SNAP29: variants seen among roughly 807,000 people sequenced by gnomAD.
SNAP29 encodes synaptosomal-associated protein 29.
SNAP29 carries 13 observed loss-of-function variants against 27.9 expected under a neutral mutation model. That is an observed-to-expected ratio of 0.47 (90% CI 0.30 to 0.74). SNAP29 has a LOEUF of 0.74. Among genes scored for constraint, SNAP29 ranks in the 30% least tolerant of loss-of-function variants. The probability of loss-of-function intolerance (pLI) is 0.06; values close to 1 mark genes in which losing one functional copy is unlikely to be tolerated. For missense variants in SNAP29, 368 were observed against 336.5 expected, an observed-to-expected ratio of 1.09 and a Z score of -0.73; for synonymous variants, 119 against 127.1, an observed-to-expected ratio of 0.94 and a Z score of 0.43.
At chr22:20,883,768 C>T (rs573185625) in intron 4 of SNAP29, among the ~76,000 whole-genome samples, 199 bp downstream of exon 4, 4 of 152,266 alleles carry the variant, frequency 2.6e-5, no homozygotes, top group African/African-American at 7.2e-5. Context: ...CTAGCCCAGC[C>T]GAGCCCTCCC....
intron 1 of SNAP29, among the ~76,000 whole-genome samples, chr22:20,861,932 C>T (rs1215978038): frequency 2.0e-5 from 3 of 152,166 alleles, no homozygotes; most frequent in Admixed American, 1.3e-4. Flanking sequence ...CACACCTGGC[C>T]TCTGATTTTT....
chr22:20,859,459 T>A, intron 1 of SNAP29, 112 bp downstream of exon 1: 1 of 822,320 alleles, frequency 1.2e-6, no homozygotes, highest in East Asian at 2.4e-5. Flanking sequence ...CTAGCATAGA[T>A]TCTTGCACCT....
chr22:20,874,323 C>CACAGACACACACAG (rs562968318), intron 2 of SNAP29, among the ~76,000 whole-genome samples: 2 of 146,454 alleles, frequency 1.4e-5, no homozygotes, highest in African/African-American at 5.0e-5. Context: ...CACAGACACA[C>CACAGACACACACAG]ACACACACAC....
At chr22:20,874,076 C>T (rs1283929818) in intron 2 of SNAP29, among the ~76,000 whole-genome samples, 2 of 150,042 alleles carry the variant, frequency 1.3e-5, no homozygotes, top group African/African-American at 4.9e-5. Context: ...GAGATTGAGA[C>T]CATCCTGGCT....
intron 1 of SNAP29, among the ~76,000 whole-genome samples, chr22:20,863,856 T>G (rs1376326602): frequency 6.6e-6 from 1 of 152,140 alleles, no homozygotes; most frequent in Non-Finnish European, 1.5e-5. Flanking sequence ...AAAATGGGTT[T>G]TTTTTTTTAA....
Position 20,888,047 on chromosome 22 carries a change from A to G in SNAP29, c.*211A>G. ...AACACCTCACCAAGTTCTTCCAGCA[A>G]AATGCTTATTAGAGTTTTTGTCTGA... On this transcript the variant is annotated 3_prime_UTR_variant, in exon 5 of 5. Coordinates refer to ENST00000215730, the MANE Select transcript of SNAP29 (RefSeq NM_004782.4). 1.8e-6 allele frequency: 1 copy of G among 569,994 alleles called. No homozygotes were observed. The highest frequency in any genetic ancestry group is 3.1e-6 in the Non-Finnish European group (1 of 320,662). The allele number at this position is 569,994 out of a possible 1,614,324, so 35.3% of individuals were successfully genotyped here.
At chr22:20,868,347 T>G (rs1254848762) in intron 1 of SNAP29, among the ~76,000 whole-genome samples, 4 of 152,226 alleles carry the variant, frequency 2.6e-5, no homozygotes, top group Non-Finnish European at 4.4e-5. Context: ...CGTTGAAAGC[T>G]GTAAAATTCA....
chr22:20,886,112 CT>C (rs362122), intron 4 of SNAP29, among the ~76,000 whole-genome samples: 7,023 of 145,682 alleles, frequency 0.048, 530 homozygotes, highest in African/African-American at 0.16. Context: ...GAAGACTTAT[CT>C]TTTTTTTTTT....
In SNAP29 at chr22:20,870,611, C is replaced by T. The variant is rs974147367; in HGVS notation, c.434+78C>T. 5 of 1,339,076 alleles carry T rather than the reference C, an allele frequency of 3.7e-6. No homozygotes were observed. The African/African-American group carries it at 5.8e-5, about 16-fold the overall frequency. The allele number at this position is 1,339,076 out of a possible 1,614,324, so 82.9% of individuals were successfully genotyped here. ...GCAAATGACCAAGACTTTCAGTCCA[C>T]GTCAGTGCCATGAAGGGATCCAACA... On this transcript the variant is annotated intron_variant, in intron 2 of 4. Coordinates refer to ENST00000215730, the MANE Select transcript of SNAP29 (RefSeq NM_004782.4).
intron 1 of SNAP29, among the ~76,000 whole-genome samples, chr22:20,863,597 C>T (rs901269960): frequency 2.0e-5 from 3 of 152,108 alleles, no homozygotes; most frequent in African/African-American, 4.8e-5. Context: ...ACCTGGTAGG[C>T]GCTTTGTAGA....
chr22:20,881,306 C>T (rs531183320), intron 3 of SNAP29, among the ~76,000 whole-genome samples, 172 bp downstream of exon 3: 3 of 152,202 alleles, frequency 2.0e-5, no homozygotes, highest in Admixed American at 6.5e-5. Context: ...CATGCTCTTG[C>T]GGAGCTGGGG....
At chr22:20,869,174 C>T (rs374509290) in intron 1 of SNAP29, among the ~76,000 whole-genome samples, 99 of 152,308 alleles carry the variant, frequency 6.5e-4, no homozygotes, top group South Asian at 2.9e-3. Flanking sequence ...GCAGGAGAAT[C>T]GCTTGAACAC....
chr22:20,877,183 G>A (rs1440508375), intron 2 of SNAP29, among the ~76,000 whole-genome samples: 1 of 152,156 alleles, frequency 6.6e-6, no homozygotes, highest in East Asian at 1.9e-4. Context: ...CAGCACTTTG[G>A]AGGTTGAGGT....
Position 20,870,500 on chromosome 22 carries a change from A to C in SNAP29, c.401A>C (p.Gln134Pro). ...KSKPVETPPE[Q>P]NGTLTSQPNN... ...AAACCAGTAGAGACCCCACCTGAAC[A>C]GAATGGCACCCTCACCTCCCAGCCC... The change falls in exon 2 of 5, where the codon CAG (glutamine) becomes CCG (proline). Residue 134 changes from glutamine to proline, a missense_variant. By Grantham distance (76) the Gln-to-Pro change is moderately conservative. Transcript: ENST00000215730. The C allele has an allele frequency of 6.2e-7, 1 of 1,614,216 alleles. No individual in the cohort carries two copies. The highest frequency in any genetic ancestry group is 8.5e-7 in the Non-Finnish European group (1 of 1,180,036).
In SNAP29 at chr22:20,884,171, A is replaced by G. The variant is rs549179299; in HGVS notation, c.619+602A>G. ...AACATGGTGAAACCCTGTCTCTACT[A>G]AAAATACAAAAATTAGCCGGGCGTG... On this transcript the variant is annotated intron_variant, in intron 4 of 4. Coordinates refer to ENST00000215730, the MANE Select transcript of SNAP29 (RefSeq NM_004782.4). Among the ~76,000 whole-genome samples, 19 of 152,102 alleles carry G rather than the reference A, an allele frequency of 1.2e-4. No homozygotes were observed. The South Asian group carries it at 2.7e-3, about 22-fold the overall frequency.
chr22:20,886,737 G>A (rs545559498), intron 4 of SNAP29, among the ~76,000 whole-genome samples: 12 of 152,062 alleles, frequency 7.9e-5, no homozygotes, highest in South Asian at 4.2e-4. Context: ...TCAGCCTCCC[G>A]AGTAGCAGGG....
chr22:20,887,978 T>C lies in SNAP29; in HGVS notation c.*142T>C. 1.2e-6 allele frequency: 1 copy of C among 849,636 alleles called. No homozygotes were observed. The highest frequency in any genetic ancestry group is 2.7e-5 in the East Asian group (1 of 37,402). The allele number at this position is 849,636 out of a possible 1,614,324, so 52.6% of individuals were successfully genotyped here. ...ATAATAGAGTAGGTCTTAAGACATT[T>C]TTGCTGTTATAAGGAAGTGTTTGTC... On this transcript the variant is annotated 3_prime_UTR_variant, in exon 5 of 5. Coordinates refer to ENST00000215730, the MANE Select transcript of SNAP29 (RefSeq NM_004782.4).
At chr22:20,868,731 G>A (rs1159328406) in intron 1 of SNAP29, among the ~76,000 whole-genome samples, 1 of 152,228 alleles carries the variant, frequency 6.6e-6, no homozygotes, top group African/African-American at 2.4e-5. Context: ...AATGAAGCTC[G>A]AGAGCCTTCT....
chr22:20,884,941 A>G (rs1224664424), intron 4 of SNAP29, among the ~76,000 whole-genome samples: 2 of 151,874 alleles, frequency 1.3e-5, no homozygotes, highest in African/African-American at 4.8e-5. Context: ...ATGCTCAGCT[A>G]ATTTTGTATT....
Sources: allele counts gnomAD v4.1 joint callset (sites outside exome capture counted in the v4.1 genomes callset), GRCh38; gene constraint gnomAD v4.1.1; transcripts MANE v1.5; gene names NCBI Gene and HGNC (gene_info 2026-07-23, HGNC 2026-07-21).